GPATCH8: variants seen among roughly 807,000 people sequenced by gnomAD.
GPATCH8 encodes the protein G patch domain-containing protein 8.
A neutral mutation model predicts 118.3 loss-of-function variants in GPATCH8; 18 were observed. The observed-to-expected ratio is 0.15, with a 90% CI of 0.11 to 0.23. GPATCH8 has a LOEUF of 0.23. Ranked by LOEUF, GPATCH8 falls within the 10% of genes least tolerant of loss-of-function variation. GPATCH8 has a pLI of 1.00. For synonymous variants in GPATCH8, 659 were observed against 684.7 expected (o/e 0.96, Z 0.59); for missense variants, 1,631 against 1,873.8 (o/e 0.87, Z 2.39).
chr17:44,415,739 A>T (rs1038818495), intron 6 of GPATCH8, among the ~76,000 whole-genome samples: 1 of 152,218 alleles, frequency 6.6e-6, no homozygotes. Flanking sequence ...TAGAACAAAG[A>T]GTCTAATCCC....
intron 3 of GPATCH8, among the ~76,000 whole-genome samples, chr17:44,450,706 T>C (rs1253755247): frequency 6.6e-6 from 1 of 152,250 alleles, no homozygotes; most frequent in Non-Finnish European, 1.5e-5. Context: ...AATATGTTTA[T>C]TATAAAACAC....
Position 44,435,121 on chromosome 17 carries a change from G to T in GPATCH8, c.292C>A (p.Arg98Ser). The T allele has an allele frequency of 6.6e-7, 1 of 1,520,132 alleles. No homozygotes were observed. Among genetic ancestry groups the T allele is most frequent in the Non-Finnish European group, 9.1e-7 (1 of 1,094,444 alleles). 94.2% of individuals were successfully genotyped at this position (1,520,132 alleles called of 1,614,324 possible). Reference sequence around the variant, plus strand: ...TCTTTTTCTACTTCTAGGACACGGCGCCGTTCGGTAGCATCTTCAGCATAA... The same window carrying T: ...TCTTTTTCTACTTCTAGGACACGGCTCCGTTCGGTAGCATCTTCAGCATAA... ...LDYAEDATER[R>S]RVLEVEKEDT... Residue 98 changes from arginine (R) to serine (S), a missense_variant, in exon 5 of 8, where the codon CGC (arginine) becomes AGC (serine). Physicochemically the swap from Arg to Ser is moderately radical, Grantham distance 110. Transcript: ENST00000591680.
intron 3 of GPATCH8, among the ~76,000 whole-genome samples, chr17:44,447,404 G>A (rs924694934): frequency 6.6e-6 from 1 of 151,612 alleles, no homozygotes; most frequent in African/African-American, 2.4e-5. Flanking sequence ...TGATCTGCCC[G>A]CCTCAGCCTC....
In GPATCH8 at chr17:44,395,792, C is replaced by T. The variant is rs1567913141; in HGVS notation, c.*1776G>A. ...TTTTCTTGTCAAGTGACCAACCAAC[C>T]AATTCTAGCCACACGAATAGTTAGG... On this transcript the variant is annotated 3_prime_UTR_variant, in exon 8 of 8. Coordinates refer to ENST00000591680, the MANE Select transcript of GPATCH8 (RefSeq NM_001002909.4). 1 of 454,092 alleles carries T rather than the reference C, an allele frequency of 2.2e-6. No homozygotes were observed. The highest frequency in any genetic ancestry group is 4.4e-6 in the Non-Finnish European group (1 of 226,798). 28.1% of individuals were successfully genotyped at this position (454,092 alleles called of 1,614,324 possible). A position where few individuals can be genotyped will look rare whatever the true frequency, so the allele number is the denominator to read the frequency against.
chr17:44,410,990 C>T lies in GPATCH8; in HGVS notation c.493-4939G>A, dbSNP rs981151833. Among the ~76,000 whole-genome samples the T allele has an allele frequency of 5.3e-5, 8 of 152,264 alleles. No homozygotes were observed. In the South Asian group the frequency reaches 1.7e-3, roughly 32 times the overall value. On this transcript the variant is annotated intron_variant, in intron 6 of 7. Transcript: ENST00000591680. The stretch of plus-strand genomic sequence containing the variant: ...GCAGAAAAACGTTTTACTGTGGACA[C>T]AAAGTATTGCTCTACTATCACTGAA...
intron 2 of GPATCH8, among the ~76,000 whole-genome samples, chr17:44,469,505 CCA>C (rs1280126246): frequency 6.6e-6 from 1 of 152,150 alleles, no homozygotes; most frequent in Non-Finnish European, 1.5e-5. Flanking sequence ...CAAGAGAAAA[CCA>C]TGCTACAGGT....
intron 6 of GPATCH8, among the ~76,000 whole-genome samples, chr17:44,414,115 A>ATGTATATATGTGTATATATATATATG (rs2049570527): frequency 8.4e-5 from 7 of 83,444 alleles, no homozygotes; most frequent in Admixed American, 4.0e-4. Flanking sequence ...GTATATATAT[A>ATGTATATATGTGTATATATATATATG]TGTATATATA....
rs765536195 is a variant in GPATCH8, at chr17:44,398,697, G to T, written c.3380C>A (p.Pro1127Gln). Residue 1127 changes from proline to glutamine, a missense_variant, in exon 8 of 8, where the codon CCA becomes CAA. Pro to Gln is a moderately conservative substitution (Grantham distance 76). This residue lies in a region of GPATCH8 where 922 missense variants were observed against 879.7 expected (regional missense o/e 1.05). Coordinates refer to ENST00000591680, the MANE Select transcript of GPATCH8 (RefSeq NM_001002909.4). ...NKAGPKLKDP[P>Q]QGYFGPKLPP... ...GAGCTTGGGCCCAAAGTAACCTTGT[G>T]GGGGGTCCTTGAGCTTGGGCCCAGC... The T allele has an allele frequency of 6.3e-7, 1 of 1,593,142 alleles. No individual in the cohort carries two copies. The highest frequency in any genetic ancestry group is 8.6e-7 in the Non-Finnish European group (1 of 1,168,104).
chr17:44,446,738 C>T (rs2050898411), intron 3 of GPATCH8, among the ~76,000 whole-genome samples: 1 of 152,118 alleles, frequency 6.6e-6, no homozygotes, highest in South Asian at 2.1e-4. Context: ...TATTGTTTTT[C>T]CATAGCTACA....
In GPATCH8 at chr17:44,398,543, T is replaced by C; in HGVS notation, c.3534A>G (p.Glu1178=). The C allele has an allele frequency of 6.3e-7, 1 of 1,590,110 alleles. No homozygotes were observed. The highest frequency in any genetic ancestry group is 8.5e-7 in the Non-Finnish European group (1 of 1,170,182). The change falls in exon 8 of 8, where the codon GAA becomes GAG. Residue 1178 remains glutamate, a synonymous_variant. Coordinates refer to ENST00000591680, the MANE Select transcript of GPATCH8 (RefSeq NM_001002909.4). ...RGEEQEQSET[E]EGPPGSSDAL... ...CATCACTACTCCCTGGGGGCCCCTC[T>C]TCTGTCTCTGACTGTTCTTGCTCTT...
intron 3 of GPATCH8, among the ~76,000 whole-genome samples, chr17:44,450,617 T>C (rs1272657641): frequency 6.6e-6 from 1 of 152,228 alleles, no homozygotes; most frequent in Non-Finnish European, 1.5e-5. Flanking sequence ...CACTTTGTTC[T>C]CTTTTCCGAG....
At chr17:44,436,076 A>G (rs942391539) in intron 4 of GPATCH8, among the ~76,000 whole-genome samples, 12 of 151,894 alleles carry the variant, frequency 7.9e-5, no homozygotes, top group African/African-American at 2.4e-4. Flanking sequence ...TCAATGAAGA[A>G]AATATTTTAG....
intron 1 of GPATCH8, among the ~76,000 whole-genome samples, chr17:44,492,628 T>C (rs560728862): frequency 6.4e-4 from 97 of 152,044 alleles, no homozygotes; most frequent in African/African-American, 2.3e-3. Flanking sequence ...ACCACCTAGT[T>C]TGGAGAGTTA....
chr17:44,428,161 T>C (rs1307170557), intron 5 of GPATCH8, among the ~76,000 whole-genome samples: 1 of 151,848 alleles, frequency 6.6e-6, no homozygotes, highest in Non-Finnish European at 1.5e-5. Flanking sequence ...TGTGCACCTG[T>C]AGTCCCAGTT....
At chr17:44,472,370 T>C (rs1199149686) in intron 2 of GPATCH8, among the ~76,000 whole-genome samples, 2 of 152,226 alleles carry the variant, frequency 1.3e-5, no homozygotes, top group East Asian at 3.8e-4. Flanking sequence ...GAAAAAGTCC[T>C]GGACATTATG....
At chr17:44,487,123 T>C (rs1422618869) in intron 1 of GPATCH8, among the ~76,000 whole-genome samples, 1 of 152,204 alleles carries the variant, frequency 6.6e-6, no homozygotes, top group Non-Finnish European at 1.5e-5. Flanking sequence ...ATAATTTCAC[T>C]GCTCAAAAAA....
intron 5 of GPATCH8, among the ~76,000 whole-genome samples, chr17:44,430,009 G>C (rs1027629528): frequency 3.3e-5 from 5 of 152,196 alleles, no homozygotes; most frequent in Admixed American, 6.5e-5. Context: ...CTGGGCGACA[G>C]AGCAAGACTG....
chr17:44,396,578 T>C lies in GPATCH8; in HGVS notation c.*990A>G. On this transcript the variant is annotated 3_prime_UTR_variant, in exon 8 of 8. Coordinates refer to ENST00000591680, the MANE Select transcript of GPATCH8 (RefSeq NM_001002909.4). ...TAGCAGAAAACAAATATTTTATTTT[T>C]TGTTTTCATTTTATAACCTTTAGAG... 2.3e-6 allele frequency: 1 copy of C among 435,928 alleles called. No individual in the cohort carries two copies. Among genetic ancestry groups the C allele is most frequent in the Non-Finnish European group, 4.5e-6 (1 of 221,444 alleles). The allele number at this position is 435,928 out of a possible 1,614,324, so 27.0% of individuals were successfully genotyped here. A position where few individuals can be genotyped will look rare whatever the true frequency, so the allele number is the denominator to read the frequency against.
chr17:44,420,133 A>G (rs2049843389), intron 6 of GPATCH8, among the ~76,000 whole-genome samples: 1 of 151,976 alleles, frequency 6.6e-6, no homozygotes, highest in Non-Finnish European at 1.5e-5. Context: ...TTTTTCCTAG[A>G]CCAGGGATCA....
Sources: allele counts gnomAD v4.1 joint callset (sites outside exome capture counted in the v4.1 genomes callset), GRCh38; gene constraint gnomAD v4.1.1; regional missense constraint gnomAD v4.1.1; transcripts MANE v1.5; gene names NCBI Gene and HGNC (gene_info 2026-07-23, HGNC 2026-07-21).